Variants in LONRF1 observed in about 807,000 individuals in gnomAD.
LONRF1 encodes LON peptidase N-terminal domain and ring finger 1.
Under a neutral mutation model 85.8 loss-of-function variants are expected in LONRF1, and 37 were observed. The ratio of observed to expected loss-of-function variants is 0.43; its 90% CI spans 0.33 to 0.57. The LOEUF (loss-of-function observed/expected upper bound fraction) is 0.57, where lower values mean the gene tolerates loss of function less well. Among genes scored for constraint, LONRF1 ranks in the 20% least tolerant of loss-of-function variants. The pLI, the probability that LONRF1 is intolerant of heterozygous loss-of-function variation, is 0.04. For missense variants in LONRF1, 1,036 were observed against 978.0 expected, an observed-to-expected ratio of 1.06 and a Z score of -0.79; for synonymous variants, 517 against 390.1, an observed-to-expected ratio of 1.33 and a Z score of -3.83.
chr8:12,747,515 A>G (rs1799210343), intron 1 of LONRF1, among the ~76,000 whole-genome samples: 1 of 152,222 alleles, frequency 6.6e-6, no homozygotes, highest in Admixed American at 6.5e-5. Flanking sequence ...ATTAGCACAA[A>G]TTTAAGGTTC....
Position 12,755,025 on chromosome 8 carries a change from C to T in LONRF1, c.396G>A (p.Glu132=), listed in dbSNP as rs1414126932. The T allele has an allele frequency of 2.0e-6, 3 of 1,491,044 alleles. No homozygotes were observed. In the African/African-American group the frequency reaches 4.4e-5, roughly 22 times the overall value. 92.4% of individuals were successfully genotyped at this position (1,491,044 alleles called of 1,614,324 possible). A position where few individuals can be genotyped will look rare whatever the true frequency, so the allele number is the denominator to read the frequency against. ...TGTGGCCACAGGGCACGGTCACCGGCTCGCTCAGGAAGCCCCGGCAGCCCA... is the reference window on the plus strand; with the variant it reads ...TGTGGCCACAGGGCACGGTCACCGGTTCGCTCAGGAAGCCCCGGCAGCCCA... The part of the protein sequence containing the change: ...RCLGCRGFLS[E]PVTVPCGHSY... Residue 132 remains glutamate (E), a synonymous_variant, in exon 1 of 12, where the codon GAG becomes GAA. Coordinates refer to ENST00000398246, the MANE Select transcript of LONRF1 (RefSeq NM_152271.5).
chr8:12,729,951 G>A (rs1292884019), intron 8 of LONRF1, among the ~76,000 whole-genome samples: 1 of 152,152 alleles, frequency 6.6e-6, no homozygotes, highest in Non-Finnish European at 1.5e-5. Context: ...GGCAGCATGG[G>A]GGCACTCTGA....
chr8:12,746,708 A>C (rs1799168855), intron 1 of LONRF1, among the ~76,000 whole-genome samples: 1 of 151,870 alleles, frequency 6.6e-6, no homozygotes, highest in Admixed American at 6.6e-5. Context: ...ACATGGATCT[A>C]GGATTGTCCA....
In LONRF1 at chr8:12,755,231, G is replaced by A. The variant is rs1479153520; in HGVS notation, c.190C>T (p.Leu64=). Reference sequence around the variant, plus strand: ...GCGAACGCCTCCAGCGCGCCCTTCAGGTGGCCGCCCAGCGCCAGCAGCTCC... The same window carrying A: ...GCGAACGCCTCCAGCGCGCCCTTCAAGTGGCCGCCCAGCGCCAGCAGCTCC... ...RGELLALGGH[L]KGALEAFAAA... The change falls in exon 1 of 12, where the codon CTG becomes TTG. Residue 64 remains leucine, a synonymous_variant. Transcript: ENST00000398246. 30 of 1,243,494 alleles carry A rather than the reference G, an allele frequency of 2.4e-5. No homozygotes were observed. In the East Asian group the frequency reaches 8.7e-4, roughly 36 times the overall value. 77.0% of individuals were successfully genotyped at this position (1,243,494 alleles called of 1,614,324 possible).
chr8:12,725,954 G>A, intron 10 of LONRF1, 75 bp from the exon 11 acceptor site: 1 of 1,381,140 alleles, frequency 7.2e-7, no homozygotes, highest in Admixed American at 1.9e-5. Flanking sequence ...CGACACAAAT[G>A]GAAAAAGGGA....
chr8:12,744,060 AAG>A (rs1307910598), intron 1 of LONRF1, among the ~76,000 whole-genome samples: 2 of 152,164 alleles, frequency 1.3e-5, no homozygotes, highest in Admixed American at 6.5e-5. Context: ...ATGTCCAAGC[AAG>A]ACATTAATTT....
chr8:12,743,490 G>C (rs963042876), intron 1 of LONRF1, among the ~76,000 whole-genome samples: 5 of 152,110 alleles, frequency 3.3e-5, no homozygotes, highest in Non-Finnish European at 7.4e-5. Context: ...ATTGTAAGTA[G>C]ATCATTTTAG....
At chr8:12,741,517 C>G (rs1458214443) in intron 2 of LONRF1, among the ~76,000 whole-genome samples, 1 of 152,146 alleles carries the variant, frequency 6.6e-6, no homozygotes, top group Admixed American at 6.5e-5. Flanking sequence ...GACTTTTTCA[C>G]CAAAGTTCCA....
Position 12,754,761 on chromosome 8 carries a change from C to G in LONRF1, c.660G>C (p.Glu220Asp). Reference protein sequence around the residue: ...ERARAAGRLGELLHQGRYREA... With the variant: ...ERARAAGRLGDLLHQGRYREA... Reference sequence around the variant, plus strand: ...CCCGGTAGCGCCCCTGGTGCAGTAGCTCCCCGAGCCTGCCGGCCGCCCGGG... The same window carrying G: ...CCCGGTAGCGCCCCTGGTGCAGTAGGTCCCCGAGCCTGCCGGCCGCCCGGG... The change falls in exon 1 of 12, where the codon GAG becomes GAC. Residue 220 changes from glutamate (E) to aspartate (D), a missense_variant. Physicochemically the swap from Glu to Asp is conservative, Grantham distance 45. Coordinates refer to ENST00000398246, the MANE Select transcript of LONRF1 (RefSeq NM_152271.5). 1 of 1,464,330 alleles carries G rather than the reference C, an allele frequency of 6.8e-7. No homozygotes were observed. Among genetic ancestry groups the G allele is most frequent in the South Asian group, 1.3e-5 (1 of 76,986 alleles). The allele number at this position is 1,464,330 out of a possible 1,614,324, so 90.7% of individuals were successfully genotyped here. A position where few individuals can be genotyped will look rare whatever the true frequency, so the allele number is the denominator to read the frequency against.
intron 6 of LONRF1, among the ~76,000 whole-genome samples, chr8:12,735,900 A>G (rs1798699134): frequency 6.6e-6 from 1 of 152,214 alleles, no homozygotes; most frequent in African/African-American, 2.4e-5. Flanking sequence ...AGAATGACCT[A>G]ATAAATAATG....
At position 12,736,809 on chromosome 8, in the gene LONRF1, A is replaced by C. The variant is rs774904047; in HGVS notation, c.1355-12T>G. On this transcript the variant is annotated splice_polypyrimidine_tract_variant and intron_variant, in intron 5 of 11. Coordinates refer to ENST00000398246, the MANE Select transcript of LONRF1 (RefSeq NM_152271.5). ...TTCATTGGGAGTTTCTATTAAAACA[A>C]AGACATGGGGTTTTCTTCCTTAGGA... 6.3e-7 allele frequency: 1 copy of C among 1,596,370 alleles called. No individual in the cohort carries two copies. The highest frequency in any genetic ancestry group is 8.5e-7 in the Non-Finnish European group (1 of 1,171,234).
intron 1 of LONRF1, chr8:12,754,224 T>A (rs1353475332): frequency 6.5e-6 from 1 of 153,256 alleles, no homozygotes; most frequent in Non-Finnish European, 1.5e-5. Flanking sequence ...AGACGCCGCC[T>A]GCCCGGCCTA....
intron 7 of LONRF1, among the ~76,000 whole-genome samples, chr8:12,734,205 T>C (rs1412769545): frequency 6.6e-6 from 1 of 152,024 alleles, no homozygotes; most frequent in Non-Finnish European, 1.5e-5. Context: ...CTTTTAAGAA[T>C]AAATGTATCT....
intron 10 of LONRF1, 143 bp downstream of exon 10, chr8:12,728,758 G>C (rs1798416236): frequency 1.2e-6 from 1 of 841,914 alleles, no homozygotes; most frequent in South Asian, 1.8e-5. Flanking sequence ...TACGAAAAAG[G>C]TAACTTGGAG....
At chr8:12,742,396 T>C (rs1798971204) in intron 2 of LONRF1, among the ~76,000 whole-genome samples, 1 of 152,208 alleles carries the variant, frequency 6.6e-6, no homozygotes, top group African/African-American at 2.4e-5. Flanking sequence ...TGACTGTATG[T>C]TATACACATT....
At chr8:12,726,025 C>G in intron 10 of LONRF1, 146 bp from the exon 11 acceptor site, 3 of 686,532 alleles carry the variant, frequency 4.4e-6, no homozygotes, top group East Asian at 2.7e-5. Flanking sequence ...TATTCCTATG[C>G]TTTAATACAC....
chr8:12,732,648 C>G (rs1235159934), intron 7 of LONRF1, among the ~76,000 whole-genome samples: 1 of 152,168 alleles, frequency 6.6e-6, no homozygotes, highest in Non-Finnish European at 1.5e-5. Context: ...TTACCTTTTT[C>G]ACAAACTCTT....
intron 1 of LONRF1, among the ~76,000 whole-genome samples, chr8:12,743,964 C>A (rs1420923372): frequency 1.3e-5 from 2 of 152,118 alleles, no homozygotes; most frequent in African/African-American, 4.8e-5. Flanking sequence ...AAATTATTAT[C>A]CTATGGCATT....
intron 1 of LONRF1, chr8:12,753,485 A>C (rs1206698490): frequency 6.6e-6 from 1 of 152,166 alleles, no homozygotes; most frequent in Non-Finnish European, 1.5e-5. Flanking sequence ...TTGGGGCCTG[A>C]TAATTCTTTG....
Sources: gnomAD v4.1 joint callset for allele counts (sites outside exome capture counted in the v4.1 genomes callset) on GRCh38, gnomAD v4.1.1 for gene constraint, MANE v1.5 for transcripts, NCBI Gene and HGNC (gene_info 2026-07-23, HGNC 2026-07-21) for gene names.